The following GALNT13 variants were observed in gnomAD, a reference collection of about 807,000 sequenced individuals.
GALNT13 encodes the protein UDP-GalNAc:polypeptide N-acetylgalactosaminyltransferase 13.
In GALNT13, 28 loss-of-function variants were observed where a neutral mutation model predicts 64.2. The ratio of observed to expected loss-of-function variants is 0.44; its 90% confidence interval spans 0.32 to 0.60. GALNT13 has a LOEUF of 0.60. GALNT13 is among the 20% of genes least tolerant of loss of function. The probability of loss-of-function intolerance (pLI) is 0.05; values close to 1 mark genes in which losing one functional copy is unlikely to be tolerated. For missense variants in GALNT13, 577 were observed against 669.8 expected (o/e 0.86, Z 1.53); for synonymous variants, 214 against 224.6 (o/e 0.95, Z 0.42).
At chr2:153,984,346 T>C (rs1694658057) in intron 3 of GALNT13, among the ~76,000 whole-genome samples, 1 of 151,728 alleles carries the variant, frequency 6.6e-6, no homozygotes, top group Non-Finnish European at 1.5e-5. Context: ...TGAAAGTGTA[T>C]TTAGGGGCTA....
the GALNT13 span, among the ~76,000 whole-genome samples, chr2:153,467,558 C>T: frequency 2.0e-5 from 3 of 152,018 alleles, no homozygotes; most frequent in South Asian, 2.1e-4. Context: ...AACATTTTAC[C>T]TGTATGACCT....
At chr2:153,485,864 C>T in the GALNT13 span, among the ~76,000 whole-genome samples, 1 of 152,220 alleles carries the variant, frequency 6.6e-6, no homozygotes, top group East Asian at 1.9e-4. Context: ...CGTGCCACTG[C>T]ACTCTAGCCT....
rs566047682 is a variant in GALNT13 at position 154,427,340 on chromosome 2, G to A, written c.1396-11252G>A. On this transcript the variant is annotated intron_variant, in intron 11 of 12. Transcript: ENST00000392825. ...ATATACAGATATGATACCTACCTGCGGTACAATGGCAGATAAGCTATCTGG... is the reference window on the plus strand; with the variant it reads ...ATATACAGATATGATACCTACCTGCAGTACAATGGCAGATAAGCTATCTGG... Among the ~76,000 whole-genome samples the A allele has an allele frequency of 1.3e-4, 20 of 152,226 alleles. No individual in the cohort carries two copies. In the South Asian group the frequency reaches 1.7e-3, roughly 13 times the overall value.
chr2:153,968,467 A>T (rs1240272274), intron 3 of GALNT13, among the ~76,000 whole-genome samples: 1 of 152,148 alleles, frequency 6.6e-6, no homozygotes, highest in African/African-American at 2.4e-5. Context: ...CGGGTGTTGT[A>T]GGCAATGCAA....
the GALNT13 span, among the ~76,000 whole-genome samples, chr2:153,435,696 G>A: frequency 6.6e-6 from 1 of 152,150 alleles, no homozygotes; most frequent in Non-Finnish European, 1.5e-5. Context: ...TGAGACTGCT[G>A]AAGTTGCTTA....
At chr2:154,261,521 C>G (rs1309952470) in intron 8 of GALNT13, among the ~76,000 whole-genome samples, 1 of 152,068 alleles carries the variant, frequency 6.6e-6, no homozygotes, top group African/African-American at 2.4e-5. Context: ...CCACTCATCT[C>G]TCTTTAATTT....
At chr2:153,377,562 C>G in the GALNT13 span, among the ~76,000 whole-genome samples, 3 of 152,084 alleles carry the variant, frequency 2.0e-5, no homozygotes, top group African/African-American at 7.2e-5. Flanking sequence ...TCTGTGCTCT[C>G]TTGCCATGTG....
the GALNT13 span, among the ~76,000 whole-genome samples, chr2:153,123,080 G>A: frequency 1.3e-5 from 2 of 151,936 alleles, no homozygotes; most frequent in South Asian, 2.1e-4. Context: ...AATGCCATAC[G>A]AAGATACAGA....
At chr2:153,343,872 A>G in the GALNT13 span, among the ~76,000 whole-genome samples, 1 of 152,190 alleles carries the variant, frequency 6.6e-6, no homozygotes, top group Non-Finnish European at 1.5e-5. Context: ...AACACCCTGC[A>G]TCTACAAAAT....
the GALNT13 span, among the ~76,000 whole-genome samples, chr2:153,751,280 G>A: frequency 6.6e-6 from 1 of 151,812 alleles, no homozygotes; most frequent in African/African-American, 2.4e-5. Flanking sequence ...AATGCATATT[G>A]TGCAGCTGTT....
At chr2:153,649,657 A>G in the GALNT13 span, among the ~76,000 whole-genome samples, 3 of 152,152 alleles carry the variant, frequency 2.0e-5, no homozygotes, top group African/African-American at 7.2e-5. Flanking sequence ...AGATTCTGGT[A>G]TGTTGTGCCT....
At chr2:153,740,228 C>T in the GALNT13 span, among the ~76,000 whole-genome samples, 1 of 151,950 alleles carries the variant, frequency 6.6e-6, no homozygotes, top group African/African-American at 2.4e-5. Flanking sequence ...TACATCTACA[C>T]TATGTGGTTT....
At chr2:153,835,396 TG>T in the GALNT13 span, among the ~76,000 whole-genome samples, 4 of 152,038 alleles carry the variant, frequency 2.6e-5, no homozygotes, top group African/African-American at 7.2e-5. Flanking sequence ...TTATAATATT[TG>T]TTACCTGTCA....
At chr2:153,409,654 A>G in the GALNT13 span, among the ~76,000 whole-genome samples, 3 of 152,164 alleles carry the variant, frequency 2.0e-5, no homozygotes, top group Non-Finnish European at 4.4e-5. Context: ...GAATACAGAA[A>G]GCTACACACA....
intron 3 of GALNT13, among the ~76,000 whole-genome samples, chr2:154,049,606 A>G (rs886177159): frequency 1.3e-5 from 2 of 150,848 alleles, no homozygotes; most frequent in Admixed American, 1.3e-4. Flanking sequence ...CACCACATAT[A>G]ATAAATGATA....
intron 9 of GALNT13, among the ~76,000 whole-genome samples, chr2:154,356,207 A>T (rs1194495083): frequency 6.6e-6 from 1 of 151,968 alleles, no homozygotes; most frequent in African/African-American, 2.4e-5. Flanking sequence ...TAATCAAGTT[A>T]ATTTAAATCT....
chr2:153,995,427 G>A (rs1695456389), intron 3 of GALNT13, among the ~76,000 whole-genome samples: 1 of 152,068 alleles, frequency 6.6e-6, no homozygotes, highest in Admixed American at 6.5e-5. Context: ...AAATTAATAA[G>A]AATTAGACAT....
At chr2:153,917,364 A>G (rs1351712994) in intron 2 of GALNT13, among the ~76,000 whole-genome samples, 1 of 152,160 alleles carries the variant, frequency 6.6e-6, no homozygotes, top group Non-Finnish European at 1.5e-5. Context: ...TCAGGAACAC[A>G]CAGAATATTT....
the GALNT13 span, among the ~76,000 whole-genome samples, chr2:153,566,282 A>C: frequency 6.6e-6 from 1 of 151,860 alleles, no homozygotes; most frequent in Non-Finnish European, 1.5e-5. Flanking sequence ...TTAAAGACTT[A>C]AAAATATAAT....
Sources: allele counts gnomAD v4.1 joint callset (sites outside exome capture counted in the v4.1 genomes callset), GRCh38; gene constraint gnomAD v4.1.1; transcripts MANE v1.5; gene names NCBI Gene and HGNC (gene_info 2026-07-23, HGNC 2026-07-21).